HNRNPL: variants seen among roughly 807,000 people sequenced by gnomAD.
HNRNPL encodes heterogeneous nuclear ribonucleoprotein L, also known as epididymis secretory sperm binding protein.
HNRNPL carries 12 observed loss-of-function variants against 64.0 expected under a neutral mutation model. The ratio of observed to expected loss-of-function variants is 0.19; its 90% confidence interval spans 0.12 to 0.30. The LOEUF (loss-of-function observed/expected upper bound fraction) is 0.30, where lower values mean the gene tolerates loss of function less well. HNRNPL is among the 10% of genes least tolerant of loss of function. HNRNPL has a pLI of 1.00. For synonymous variants in HNRNPL, 385 were observed against 313.0 expected (o/e 1.23, Z -2.43); for missense variants, 484 against 797.4 (o/e 0.61, Z 4.73).
At chr19:38,844,141 C>G in intron 4 of HNRNPL, 37 bp from the exon 5 acceptor site, 2 of 1,370,674 alleles carry the variant, frequency 1.5e-6, no homozygotes, top group South Asian at 2.3e-5. Context: ...CACAGGAGAT[C>G]TTTGAGAAGG....
Position 38,845,891 on chromosome 19 carries a change from G to C in HNRNPL, c.586C>G (p.Leu196Val). 6.2e-7 allele frequency: 1 copy of C among 1,614,196 alleles called. No individual in the cohort carries two copies. Among genetic ancestry groups the C allele is most frequent in the Non-Finnish European group, 8.5e-7 (1 of 1,180,014 alleles). Residue 196 changes from leucine (L) to valine (V), a missense_variant, in exon 3 of 13, where the codon CTC becomes GTC. By Grantham distance (32) the Leu-to-Val change is conservative. This residue lies in a region of HNRNPL where 60 missense variants were observed against 192.2 expected (regional missense o/e 0.31). Transcript: ENST00000221419. ...TAAATGGGGTTCAGGATGGTAAAGA[G>C]AAGCACACTGTTCACGCTCCGGGAG... The part of the protein sequence containing the change: ...DDSRSVNSVL[L>V]FTILNPIYSI...
chr19:38,840,149 T>C lies in HNRNPL; in HGVS notation c.1180A>G (p.Met394Val). The change falls in exon 8 of 13, where the codon ATG becomes GTG. Residue 394 changes from methionine to valine, a missense_variant. By Grantham distance (21) the Met-to-Val change is conservative. Transcript: ENST00000221419. ...ACATTGAAGACTCGGTCACAGTTCA[T>C]CTTAGATTGATCCAAGCCATAGACC... ...LMVYGLDQSK[M>V]NCDRVFNVFC... 2 of 1,611,900 alleles carry C rather than the reference T, an allele frequency of 1.2e-6. No homozygotes were observed. The highest frequency in any genetic ancestry group is 1.7e-6 in the Non-Finnish European group (2 of 1,179,694).
Position 38,840,575 on chromosome 19 carries a change from A to G in HNRNPL, c.881-16T>C. 1 of 1,566,872 alleles carries G rather than the reference A, an allele frequency of 6.4e-7. No homozygotes were observed. ...CCAGGGTCACCTGTGGAGAGAGAAA[A>G]CAGTTAGGAGTCTCACTCAGAAATT... On this transcript the variant is annotated splice_polypyrimidine_tract_variant and intron_variant, in intron 6 of 12. Transcript: ENST00000221419.
At chr19:38,844,242 C>A in intron 4 of HNRNPL, 138 bp from the exon 5 acceptor site, 1 of 636,260 alleles carries the variant, frequency 1.6e-6, no homozygotes, top group Non-Finnish European at 2.8e-6. Context: ...CACTGCCCAG[C>A]CACTAGCCTC....
intron 6 of HNRNPL, chr19:38,841,147 A>G (rs1392754610): frequency 9.0e-6 from 2 of 222,278 alleles, no homozygotes; most frequent in East Asian, 2.7e-4. Context: ...AGTTCAAATA[A>G]GCAATCATGT....
intron 1 of HNRNPL, among the ~76,000 whole-genome samples, chr19:38,848,660 G>A (rs1972387602): frequency 6.6e-6 from 1 of 152,306 alleles, no homozygotes; most frequent in Non-Finnish European, 1.5e-5. Context: ...CAGGTTAGCA[G>A]CTCCCACAAA....
Position 38,847,250 on chromosome 19 carries a change from G to A in HNRNPL, c.386+66C>T, listed in dbSNP as rs774360772. ...AAATCACTATTTCCAACCAGAAATC[G>A]TGGACACACAAGGACACCCAGGAGT... On this transcript the variant is annotated intron_variant, in intron 2 of 12. Transcript: ENST00000221419. The A allele has an allele frequency of 9.9e-5, 70 of 709,818 alleles. No individual in the cohort carries two copies. In the Admixed American group the frequency reaches 1.4e-3, roughly 14 times the overall value. The allele number at this position is 709,818 out of a possible 1,614,324, so 44.0% of individuals were successfully genotyped here. A position where few individuals can be genotyped will look rare whatever the true frequency, so the allele number is the denominator to read the frequency against.
rs1444351692 is a variant in HNRNPL at position 38,839,019 on chromosome 19, G to A, written c.1234-4C>T. 1.2e-6 allele frequency: 2 copies of A among 1,613,840 alleles called. No individual in the cohort carries two copies. The highest frequency in any genetic ancestry group is 1.7e-5 in the Admixed American group (1 of 59,996). ...GCTTGCTTTTCATGAATTTCACCTTGGGGAGAGTAGCTGCAGTCAGCACCT... is the reference window on the plus strand; with the variant it reads ...GCTTGCTTTTCATGAATTTCACCTTAGGGAGAGTAGCTGCAGTCAGCACCT... On this transcript the variant is annotated splice_polypyrimidine_tract_variant and splice_region_variant and intron_variant, in intron 8 of 12. Coordinates refer to ENST00000221419, the MANE Select transcript of HNRNPL (RefSeq NM_001533.3).
Position 38,849,973 on chromosome 19 carries a change from G to T in HNRNPL, c.-7C>A. 1 of 1,327,398 alleles carries T rather than the reference G, an allele frequency of 7.5e-7. No individual in the cohort carries two copies. Among genetic ancestry groups the T allele is most frequent in the Non-Finnish European group, 9.7e-7 (1 of 1,035,910 alleles). The allele number at this position is 1,327,398 out of a possible 1,614,324, so 82.2% of individuals were successfully genotyped here. A position where few individuals can be genotyped will look rare whatever the true frequency, so the allele number is the denominator to read the frequency against. ...GCAGCAGCCTCCGCGACATGGCGGC[G>T]CAGAACCCGCCTCCCCCCGCCTCTC... On this transcript the variant is annotated 5_prime_UTR_variant, in exon 1 of 13. Coordinates refer to ENST00000221419, the MANE Select transcript of HNRNPL (RefSeq NM_001533.3).
In HNRNPL at chr19:38,846,141, G is replaced by A. The variant is rs781682775; in HGVS notation, c.387-51C>T. 8 of 1,352,878 alleles carry A rather than the reference G, an allele frequency of 5.9e-6. No individual in the cohort carries two copies. The African/African-American group carries it at 7.2e-5, about 12-fold the overall frequency. 83.8% of individuals were successfully genotyped at this position (1,352,878 alleles called of 1,614,324 possible). A position where few individuals can be genotyped will look rare whatever the true frequency, so the allele number is the denominator to read the frequency against. Reference sequence around the variant, plus strand: ...TCCTCTCAGGAAAATGTAGACAGGAGGAGGGTATCATTTGATTTTTTGAGA... The same window carrying A: ...TCCTCTCAGGAAAATGTAGACAGGAAGAGGGTATCATTTGATTTTTTGAGA... On this transcript the variant is annotated intron_variant, in intron 2 of 12. Transcript: ENST00000221419.
At chr19:38,849,075 G>A (rs2145438967) in intron 1 of HNRNPL, among the ~76,000 whole-genome samples, 2 of 152,326 alleles carry the variant, frequency 1.3e-5, no homozygotes, top group South Asian at 4.1e-4. Context: ...TGAATCCCCG[G>A]AAACTGTAAG....
At chr19:38,847,193 G>A in intron 2 of HNRNPL, 123 bp downstream of exon 2, 1 of 515,264 alleles carries the variant, frequency 1.9e-6, no homozygotes, top group East Asian at 3.1e-5. Flanking sequence ...CAAAAGCAGA[G>A]CGGCCACAGA....
upstream of HNRNPL, chr19:38,850,106 G>A (rs1429759510): frequency 9.5e-6 from 6 of 629,152 alleles, no homozygotes; most frequent in Non-Finnish European, 1.5e-5. Flanking sequence ...GCGCTTATTG[G>A]ACATTGCCCA....
chr19:38,851,048 C>T (rs1259512112), upstream of HNRNPL: 1 of 152,444 alleles, frequency 6.6e-6, no homozygotes. Flanking sequence ...AAAGCCATAA[C>T]TCGGGCCAGT....
intron 1 of HNRNPL, among the ~76,000 whole-genome samples, chr19:38,847,856 T>C (rs1003454298): frequency 2.8e-4 from 42 of 152,216 alleles, no homozygotes; most frequent in Admixed American, 6.5e-4. Context: ...ACATCCCCTT[T>C]GCATGTGCCC....
rs754459283 is a variant in HNRNPL, at chr19:38,849,736, A to G, written c.231T>C (p.Gly77=). The G allele has an allele frequency of 1.1e-4, 153 of 1,371,900 alleles. No homozygotes were observed. The African/African-American group carries it at 2.2e-3, about 19-fold the overall frequency. The allele number at this position is 1,371,900 out of a possible 1,614,324, so 85.0% of individuals were successfully genotyped here. A position where few individuals can be genotyped will look rare whatever the true frequency, so the allele number is the denominator to read the frequency against. ...GDQHGGGGGG[G]GGAGAAGGGG... is the part of the protein sequence containing the mutation. ...CGCCGCCCGCCGCCCCGGCTCCTCC[A>G]CCGCCACCGCCGCCGCCTCCGTGCT... is the stretch of plus-strand genomic sequence containing the variant. The change falls in exon 1 of 13, where the codon GGT becomes GGC. Residue 77 remains glycine, a synonymous_variant. Transcript: ENST00000221419.
At chr19:38,844,430 C>A (rs1339116919) in intron 4 of HNRNPL, among the ~76,000 whole-genome samples, 3 of 152,166 alleles carry the variant, frequency 2.0e-5, no homozygotes, top group Admixed American at 2.0e-4. Flanking sequence ...AACATCAACT[C>A]GATTACAGCT....
chr19:38,842,581 G>A (rs1972152214), intron 6 of HNRNPL, among the ~76,000 whole-genome samples: 1 of 152,084 alleles, frequency 6.6e-6, no homozygotes, highest in African/African-American at 2.4e-5. Flanking sequence ...CTGTTTCTGG[G>A]GACGTGGTGG....
chr19:38,851,163 A>G (rs1414658852), upstream of HNRNPL: 2 of 152,380 alleles, frequency 1.3e-5, no homozygotes, highest in African/African-American at 4.8e-5. Flanking sequence ...CACCTGGCAC[A>G]GTGCAAGCCC....
Sources: gnomAD v4.1 joint callset for allele counts (sites outside exome capture counted in the v4.1 genomes callset) on GRCh38, gnomAD v4.1.1 for gene constraint, gnomAD v4.1.1 regional missense constraint, MANE v1.5 for transcripts, NCBI Gene and HGNC (gene_info 2026-07-23, HGNC 2026-07-21) for gene names.